HECW1: variants seen among roughly 807,000 people sequenced by gnomAD.
HECW1 encodes HECT, C2 and WW domain containing E3 ubiquitin protein ligase 1.
In HECW1, 61 loss-of-function variants were observed where a neutral mutation model predicts 182.3. The ratio of observed to expected loss-of-function variants is 0.33; its 90% CI spans 0.27 to 0.41. The LOEUF is 0.41. Among genes scored for constraint, HECW1 ranks in the 10% least tolerant of loss-of-function variants. The pLI is 1.00. For missense variants in HECW1, 1,739 were observed against 2,108.9 expected (o/e 0.82, Z 3.44); for synonymous variants, 859 against 832.6 (o/e 1.03, Z -0.55).
At chr7:43,379,538 C>A (rs2074462877) in intron 6 of HECW1, among the ~76,000 whole-genome samples, 1 of 152,178 alleles carries the variant, frequency 6.6e-6, no homozygotes, top group South Asian at 2.1e-4. Flanking sequence ...TCAGAACTCT[C>A]CAGTGGCTTT....
chr7:43,479,952 C>G (rs1023484760), intron 17 of HECW1, among the ~76,000 whole-genome samples: 2 of 152,138 alleles, frequency 1.3e-5, no homozygotes, highest in African/African-American at 4.8e-5. Context: ...TCTGCCTTGC[C>G]TTTTGTCCCA....
At chr7:43,179,488 C>G (rs1224715601) in intron 2 of HECW1, among the ~76,000 whole-genome samples, 2 of 152,190 alleles carry the variant, frequency 1.3e-5, no homozygotes, top group Admixed American at 6.5e-5. Flanking sequence ...AACGTCTTAA[C>G]ATGGCTATGT....
At chr7:43,372,449 A>G (rs1375788242) in intron 6 of HECW1, among the ~76,000 whole-genome samples, 1 of 151,746 alleles carries the variant, frequency 6.6e-6, no homozygotes, top group East Asian at 1.9e-4. Flanking sequence ...TACATGTGCC[A>G]TGTTGGTGTG....
At position 43,444,487 on chromosome 7, in the gene HECW1, G is replaced by C. The variant is rs772909457; in HGVS notation, c.1315G>C (p.Gly439Arg). 5.6e-6 allele frequency: 9 copies of C among 1,612,868 alleles called. No homozygotes were observed. The highest frequency in any genetic ancestry group is 7.6e-6 in the Non-Finnish European group (9 of 1,179,532). ...GMVSVGPEGAGELLAQVQKDI... is the reference protein window; with the variant it reads ...GMVSVGPEGARELLAQVQKDI... Reference sequence around the variant, plus strand: ...GGTCTCTGTGGGACCTGAAGGGGCTGGGGAGCTCCTGGCCCAGGTGCAAAA... The same window carrying C: ...GGTCTCTGTGGGACCTGAAGGGGCTCGGGAGCTCCTGGCCCAGGTGCAAAA... Residue 439 changes from glycine to arginine, a missense_variant, in exon 11 of 30, where the codon GGG becomes CGG. Physicochemically the swap from Gly to Arg is moderately radical, Grantham distance 125. Transcript: ENST00000395891. The surrounding 1 kb of genome is among the most constrained non-coding windows in gnomAD (Gnocchi z 4.3).
intron 9 of HECW1, 78 bp from the exon 10 acceptor site, chr7:43,442,451 T>C: frequency 1.0e-6 from 1 of 1,001,210 alleles, no homozygotes; most frequent in Non-Finnish European, 1.6e-6. Flanking sequence ...CCTCACCCAC[T>C]GGTATAGAAA....
At chr7:43,341,732 C>T (rs143207558) in intron 5 of HECW1, among the ~76,000 whole-genome samples, 13 of 151,682 alleles carry the variant, frequency 8.6e-5, no homozygotes, top group African/African-American at 2.4e-4. Flanking sequence ...ATAACCAGTC[C>T]GTAATACAGC....
At chr7:43,355,974 C>T (rs1815076754) in intron 5 of HECW1, among the ~76,000 whole-genome samples, 1 of 151,274 alleles carries the variant, frequency 6.6e-6, no homozygotes, top group African/African-American at 2.4e-5. Flanking sequence ...GGCAACAGAG[C>T]AAGACTCCGT....
intron 4 of HECW1, among the ~76,000 whole-genome samples, chr7:43,316,824 A>C (rs71540515): frequency 2.2e-3 from 12 of 5,352 alleles, no homozygotes; most frequent in South Asian, 9.6e-3. Context: ...CCTCCCCTCT[A>C]CTCTCTTCTT....
chr7:43,143,896 A>G (rs1284313101), intron 2 of HECW1, among the ~76,000 whole-genome samples: 1 of 152,202 alleles, frequency 6.6e-6, no homozygotes, highest in Non-Finnish European at 1.5e-5. Context: ...CTGCATACTC[A>G]GGAGTATAAC....
chr7:43,406,368 A>G (rs1383618187), intron 7 of HECW1, among the ~76,000 whole-genome samples: 1 of 152,250 alleles, frequency 6.6e-6, no homozygotes, highest in South Asian at 2.1e-4. Flanking sequence ...CAGAGCAGTA[A>G]TACATTATCA....
intron 6 of HECW1, chr7:43,377,740 G>C (rs2074386547): frequency 4.8e-6 from 1 of 207,030 alleles, no homozygotes; most frequent in Non-Finnish European, 9.9e-6. Context: ...AGGGTGTAAA[G>C]GCCCTTATCT....
chr7:43,315,684 G>A (rs1315887409), intron 4 of HECW1, among the ~76,000 whole-genome samples: 1 of 151,964 alleles, frequency 6.6e-6, no homozygotes, highest in Non-Finnish European at 1.5e-5. Context: ...AGTAGAGATG[G>A]GGTTTCACCA....
chr7:43,519,707 A>C (rs555650426), intron 24 of HECW1, among the ~76,000 whole-genome samples: 1 of 152,356 alleles, frequency 6.6e-6, no homozygotes, highest in East Asian at 1.9e-4. Flanking sequence ...CAGTCATATG[A>C]GGCATAAAAA....
chr7:43,254,401 G>A (rs1426346977), intron 3 of HECW1, among the ~76,000 whole-genome samples: 2 of 152,148 alleles, frequency 1.3e-5, no homozygotes, highest in African/African-American at 4.8e-5. Flanking sequence ...AATTTTTCAT[G>A]AATTCGTTCA....
chr7:43,341,191 A>T (rs1011292322), intron 5 of HECW1, among the ~76,000 whole-genome samples: 1 of 151,628 alleles, frequency 6.6e-6, no homozygotes, highest in Admixed American at 6.6e-5. Context: ...GGATAGCATT[A>T]GGTGAAATAT....
intron 6 of HECW1, among the ~76,000 whole-genome samples, chr7:43,378,266 T>C (rs893249698): frequency 6.6e-6 from 1 of 152,222 alleles, no homozygotes; most frequent in African/African-American, 2.4e-5. Flanking sequence ...ATTAAGGACT[T>C]AGCAAATATG....
intron 2 of HECW1, among the ~76,000 whole-genome samples, chr7:43,237,140 AGTAGGTAGGTAG>A (rs71008898): frequency 0.026 from 3,544 of 133,930 alleles, 145 homozygotes; most frequent in African/African-American, 0.081. Context: ...GAAGGAAGGA[AGTAGGTAGGTAG>A]GTAGGTAGGT....
At chr7:43,507,848 G>T (rs2079651853) in intron 22 of HECW1, among the ~76,000 whole-genome samples, 170 bp from the exon 23 acceptor site, 1 of 152,192 alleles carries the variant, frequency 6.6e-6, no homozygotes, top group South Asian at 2.1e-4. Context: ...GTTTTGAAAA[G>T]TGTGTTCAGA....
At chr7:43,197,356 A>G (rs1355229682) in intron 2 of HECW1, among the ~76,000 whole-genome samples, 1 of 152,060 alleles carries the variant, frequency 6.6e-6, no homozygotes, top group African/African-American at 2.4e-5. Flanking sequence ...TTTTCCAGAT[A>G]ATGACTTTAT....
Sources: allele counts gnomAD v4.1 joint callset (sites outside exome capture counted in the v4.1 genomes callset), GRCh38; gene constraint gnomAD v4.1.1; non-coding constraint Gnocchi (gnomAD v3.1); transcripts MANE v1.5; gene names NCBI Gene and HGNC (gene_info 2026-07-23, HGNC 2026-07-21).